The following RRBP1 variants were observed in gnomAD, a reference collection of about 807,000 sequenced individuals.
RRBP1 encodes the protein ribosome binding protein 1.
In RRBP1, 94 loss-of-function variants were observed where a neutral mutation model predicts 165.2. The ratio of observed to expected loss-of-function variants is 0.57; its 90% CI spans 0.48 to 0.68. RRBP1 has a LOEUF of 0.68. Ranked by LOEUF, RRBP1 falls within the 30% of genes least tolerant of loss-of-function variation. The pLI is 0.00. For missense variants in RRBP1, 1,676 were observed against 1,763.0 expected (o/e 0.95, Z 0.88); for synonymous variants, 680 against 714.5 (o/e 0.95, Z 0.77).
intron 2 of RRBP1, among the ~76,000 whole-genome samples, chr20:17,662,300 T>C (rs1039501082): frequency 3.3e-5 from 5 of 151,922 alleles, no homozygotes; most frequent in African/African-American, 9.7e-5. Flanking sequence ...ATCACTCTCA[T>C]CACAGAAGGA....
rs749129001 is a variant in RRBP1 at position 17,629,906 on chromosome 20, C to T, written c.2666G>A (p.Arg889Gln). 18 of 1,600,090 alleles carry T rather than the reference C, an allele frequency of 1.1e-5. No homozygotes were observed. Among genetic ancestry groups the T allele is most frequent in the African/African-American group, 1.1e-4 (8 of 74,920 alleles). The change falls in exon 9 of 25, where the codon CGG (arginine) becomes CAG (glutamine). Residue 889 changes from arginine (R) to glutamine (Q), a missense_variant. Around this residue, in one of 5 missense-constraint regions of RRBP1, gnomAD observed 1,184 missense variants for 1,167.1 expected, o/e 1.01. Transcript: ENST00000377813. ...GCTGCTCTGCGTGTGGCACAGCTCCCGGCTGACCTCGTCCAGGCGCTTCTG... is the reference window on the plus strand; with the variant it reads ...GCTGCTCTGCGTGTGGCACAGCTCCTGGCTGACCTCGTCCAGGCGCTTCTG... ...ALQKRLDEVSRELCHTQSSHA... is the reference protein window; with the variant it reads ...ALQKRLDEVSQELCHTQSSHA...
At chr20:17,668,825 C>T (rs1286575460) in intron 2 of RRBP1, among the ~76,000 whole-genome samples, 1 of 152,226 alleles carries the variant, frequency 6.6e-6, no homozygotes, top group African/African-American at 2.4e-5. Flanking sequence ...ACCCCTGTCC[C>T]AGGGTCAGCT....
At chr20:17,614,678 C>T in intron 24 of RRBP1, 59 bp downstream of exon 24, 1 of 1,595,802 alleles carries the variant, frequency 6.3e-7, no homozygotes, top group East Asian at 2.2e-5. Flanking sequence ...CCGGTCCTGC[C>T]TCCCCGGGGC....
chr20:17,641,750 T>C (rs2036364333), intron 5 of RRBP1, 47 bp downstream of exon 5: 1 of 1,606,010 alleles, frequency 6.2e-7, no homozygotes, highest in Non-Finnish European at 8.5e-7. Flanking sequence ...GGGGGTCCTC[T>C]GAGGACGGGA....
intron 2 of RRBP1, among the ~76,000 whole-genome samples, chr20:17,672,810 GAACA>G (rs1351391082): frequency 6.6e-6 from 1 of 152,212 alleles, no homozygotes; most frequent in African/African-American, 2.4e-5. Flanking sequence ...TAGTGAGAAT[GAACA>G]AACTACAATT....
Position 17,621,541 on chromosome 20 carries a change from C to T in RRBP1, c.3331G>A (p.Ala1111Thr). 1 of 1,612,298 alleles carries T rather than the reference C, an allele frequency of 6.2e-7. No homozygotes were observed. Among genetic ancestry groups the T allele is most frequent in the Non-Finnish European group, 8.5e-7 (1 of 1,179,480 alleles). Residue 1111 changes from alanine to threonine, a missense_variant, in exon 16 of 25, where the codon GCC becomes ACC. By Grantham distance (58) the Ala-to-Thr change is moderately conservative. Coordinates refer to ENST00000377813, the MANE Select transcript of RRBP1 (RefSeq NM_001365613.2). The part of the protein sequence containing the change: ...PAPAEPSSDL[A>T]SKLREAEETQ... ...TCCTCGGCCTCCCTCAACTTGGAGGCCAGGTCCTGAGAGAGGGAAGAACAG... is the reference window on the plus strand; with the variant it reads ...TCCTCGGCCTCCCTCAACTTGGAGGTCAGGTCCTGAGAGAGGGAAGAACAG...
chr20:17,678,549 T>C (rs2037123608), intron 2 of RRBP1, among the ~76,000 whole-genome samples: 1 of 152,220 alleles, frequency 6.6e-6, no homozygotes, highest in African/African-American at 2.4e-5. Flanking sequence ...GGCAATTTCA[T>C]GTGGTTCAAC....
chr20:17,678,857 G>A (rs551123430), intron 2 of RRBP1, among the ~76,000 whole-genome samples: 19 of 152,318 alleles, frequency 1.2e-4, no homozygotes, highest in African/African-American at 3.8e-4. Flanking sequence ...TGCGGTGTTT[G>A]AAGGCCCACC....
intron 5 of RRBP1, among the ~76,000 whole-genome samples, chr20:17,639,621 C>T (rs934180338): frequency 4.6e-5 from 7 of 152,272 alleles, no homozygotes; most frequent in African/African-American, 1.4e-4. Context: ...AGGCCAGGGA[C>T]GGTGGCTCGC....
chr20:17,635,854 A>C (rs918038982), intron 6 of RRBP1, among the ~76,000 whole-genome samples, 190 bp from the exon 7 acceptor site: 7 of 152,204 alleles, frequency 4.6e-5, no homozygotes, highest in Non-Finnish European at 8.8e-5. Flanking sequence ...GCGGCCAAGC[A>C]TGACTCCCAC....
At chr20:17,663,679 TG>T (rs1336192226) in intron 2 of RRBP1, among the ~76,000 whole-genome samples, 5 of 152,250 alleles carry the variant, frequency 3.3e-5, no homozygotes, top group Non-Finnish European at 7.3e-5. Flanking sequence ...AACATCATGC[TG>T]GGAGATCCCT....
intron 3 of RRBP1, among the ~76,000 whole-genome samples, chr20:17,645,553 A>G (rs1162065002): frequency 6.6e-6 from 1 of 152,194 alleles, no homozygotes; most frequent in African/African-American, 2.4e-5. Context: ...TTTTCATTAA[A>G]TCTTTTAGGT....
At chr20:17,676,784 T>A (rs1254169645) in intron 2 of RRBP1, among the ~76,000 whole-genome samples, 2 of 152,154 alleles carry the variant, frequency 1.3e-5, no homozygotes, top group African/African-American at 4.8e-5. Flanking sequence ...AGAGTCTCAC[T>A]CTGTCGCCTA....
In RRBP1 at chr20:17,629,937, C is replaced by A. The variant is rs2036115685; in HGVS notation, c.2635G>T (p.Ala879Ser). 1 of 1,598,950 alleles carries A rather than the reference C, an allele frequency of 6.3e-7. No homozygotes were observed. The highest frequency in any genetic ancestry group is 1.1e-5 in the South Asian group (1 of 91,016). The change falls in exon 9 of 25, where the codon GCC becomes TCC. Residue 879 changes from alanine to serine, a missense_variant. By Grantham distance (99) the Ala-to-Ser change is moderately conservative. Coordinates refer to ENST00000377813, the MANE Select transcript of RRBP1 (RefSeq NM_001365613.2). ...ACCTCGTCCAGGCGCTTCTGCAGGG[C>A]CTCCTCACTCTCCCTGTGGGACGCC... ...LQASHRESEE[A>S]LQKRLDEVSR...
chr20:17,617,116 G>A (rs2035816405), intron 20 of RRBP1, among the ~76,000 whole-genome samples: 1 of 152,240 alleles, frequency 6.6e-6, no homozygotes, highest in Non-Finnish European at 1.5e-5. Flanking sequence ...GACCCCTGAT[G>A]GGCATGGCCC....
At chr20:17,638,469 C>A (rs2036287385) in intron 5 of RRBP1, among the ~76,000 whole-genome samples, 1 of 152,190 alleles carries the variant, frequency 6.6e-6, no homozygotes, top group Admixed American at 6.5e-5. Context: ...CGCTCAGGGT[C>A]TGCAGACCCC....
Position 17,621,498 on chromosome 20 carries a change from T to C in RRBP1, c.3374A>G (p.Gln1125Arg). ...REAEETQSTL[Q>R]AECDQYRSIL... ...GCTGCGGTACTGGTCACACTCGGCCTGCAGTGTGCTCTGCGTCTCCTCGGC... is the reference window on the plus strand; with the variant it reads ...GCTGCGGTACTGGTCACACTCGGCCCGCAGTGTGCTCTGCGTCTCCTCGGC... Residue 1125 changes from glutamine to arginine, a missense_variant, in exon 16 of 25, where the codon CAG (glutamine) becomes CGG (arginine). Gln to Arg is a conservative substitution (Grantham distance 43). Coordinates refer to ENST00000377813, the MANE Select transcript of RRBP1 (RefSeq NM_001365613.2). 6.2e-7 allele frequency: 1 copy of C among 1,612,904 alleles called. No homozygotes were observed. The highest frequency in any genetic ancestry group is 8.5e-7 in the Non-Finnish European group (1 of 1,179,970).
intron 2 of RRBP1, among the ~76,000 whole-genome samples, chr20:17,668,516 C>G (rs1439690858): frequency 6.6e-6 from 1 of 152,170 alleles, no homozygotes; most frequent in Non-Finnish European, 1.5e-5. Flanking sequence ...GGAAGACCAG[C>G]CAGGGACTAA....
chr20:17,660,219 G>T lies in RRBP1; in HGVS notation c.289C>A (p.Arg97=). ...DPAPNVTVLL[R]EPVRAPAVAV... ...ACAGCAGGAGCCCGCACTGGTTCTC[G>T]AAGGAGGACAGTCACATTGGGGGCT... Residue 97 remains arginine, a synonymous_variant, in exon 3 of 25, where the codon CGA becomes AGA. Coordinates refer to ENST00000377813, the MANE Select transcript of RRBP1 (RefSeq NM_001365613.2). 6.2e-7 allele frequency: 1 copy of T among 1,613,348 alleles called. No individual in the cohort carries two copies. Among genetic ancestry groups the T allele is most frequent in the South Asian group, 1.1e-5 (1 of 90,922 alleles).
Sources: allele counts gnomAD v4.1 joint callset (sites outside exome capture counted in the v4.1 genomes callset), GRCh38; gene constraint gnomAD v4.1.1; regional missense constraint gnomAD v4.1.1; transcripts MANE v1.5; gene names NCBI Gene and HGNC (gene_info 2026-07-23, HGNC 2026-07-21).